TBC1D8: variants seen among roughly 807,000 people sequenced by gnomAD.
The protein encoded by TBC1D8 is BUB2-like protein 1.
TBC1D8 carries 65 observed loss-of-function variants against 118.8 expected under a neutral mutation model. The observed-to-expected ratio is 0.55, with a 90% CI of 0.45 to 0.67. The LOEUF (loss-of-function observed/expected upper bound fraction) is 0.67. Among genes scored for constraint, TBC1D8 ranks in the 30% least tolerant of loss-of-function variants. The pLI, the probability that TBC1D8 is intolerant of heterozygous loss-of-function variation, is 0.00. For synonymous variants in TBC1D8, 566 were observed against 595.8 expected (o/e 0.95, Z 0.73); for missense variants, 1,376 against 1,471.2 (o/e 0.94, Z 1.06).
At chr2:101,133,119 C>T (rs1195067911) in intron 1 of TBC1D8, among the ~76,000 whole-genome samples, 3 of 147,358 alleles carry the variant, frequency 2.0e-5, no homozygotes, top group Non-Finnish European at 4.5e-5. Flanking sequence ...GAGATCGAGC[C>T]ACTGCACTCC....
intron 2 of TBC1D8, among the ~76,000 whole-genome samples, chr2:101,061,127 G>A (rs1220912717): frequency 6.9e-6 from 1 of 144,140 alleles, no homozygotes; most frequent in African/African-American, 2.6e-5. Flanking sequence ...GGCGGAGATT[G>A]CAGTGAGCCG....
At chr2:101,060,926 G>A (rs941475203) in intron 2 of TBC1D8, among the ~76,000 whole-genome samples, 2 of 152,102 alleles carry the variant, frequency 1.3e-5, no homozygotes, top group African/African-American at 2.4e-5. Flanking sequence ...AGTGGCTCAC[G>A]CCTGTAATCC....
In TBC1D8 at chr2:101,101,129, A is replaced by T. The variant is rs184585829; in HGVS notation, c.128-10765T>A. On this transcript the variant is annotated intron_variant, in intron 1 of 19. Coordinates refer to ENST00000409318, the MANE Select transcript of TBC1D8 (RefSeq NM_001330348.2). ...GAGGCAACCTACAGAATGGGAGAAAATTTTTGCAATCTACTCATCTGACAA... is the reference window on the plus strand; with the variant it reads ...GAGGCAACCTACAGAATGGGAGAAATTTTTTGCAATCTACTCATCTGACAA... Among the ~76,000 whole-genome samples, 572 of 152,296 alleles carry T rather than the reference A, an allele frequency of 3.8e-3. 5 individuals are homozygous for T. The highest frequency in any genetic ancestry group is 0.012 in the African/African-American group (514 of 41,556).
chr2:101,013,302 T>C (rs1395060523), intron 17 of TBC1D8, among the ~76,000 whole-genome samples: 1 of 152,234 alleles, frequency 6.6e-6, no homozygotes, highest in Admixed American at 6.5e-5. Context: ...TAGGATATTA[T>C]GCATTATGGG....
Position 101,050,497 on chromosome 2 carries a change from A to C in TBC1D8, c.776T>G (p.Met259Arg), listed in dbSNP as rs1473712537. The change falls in exon 5 of 20, where the codon ATG (methionine) becomes AGG (arginine). Residue 259 changes from methionine (M) to arginine (R), a missense_variant. Met to Arg is a moderately conservative substitution (Grantham distance 91). Coordinates refer to ENST00000409318, the MANE Select transcript of TBC1D8 (RefSeq NM_001330348.2). ...CAGCGTCACGTCGGCCAGCTGCTCC[A>C]TGACCTTAAACACCTCATCCAGGTT... ...FLNLDEVFKVMEQLADVTLRR... is the reference protein window; with the variant it reads ...FLNLDEVFKVREQLADVTLRR... 6.2e-7 allele frequency: 1 copy of C among 1,613,972 alleles called. No homozygotes were observed. Among genetic ancestry groups the C allele is most frequent in the East Asian group, 2.2e-5 (1 of 44,874 alleles).
chr2:101,023,634 T>A, intron 15 of TBC1D8: 2 of 437,004 alleles, frequency 4.6e-6, no homozygotes, highest in Admixed American at 2.9e-5. Flanking sequence ...GTTTTTTTTT[T>A]AAGGTGAGTT....
At chr2:101,123,633 A>G (rs1574065644) in intron 1 of TBC1D8, among the ~76,000 whole-genome samples, 1 of 152,330 alleles carries the variant, frequency 6.6e-6, no homozygotes, top group East Asian at 1.9e-4. Flanking sequence ...AAGACAGAAC[A>G]TGCTTCCCAC....
chr2:101,090,305 G>A lies in TBC1D8; in HGVS notation c.187C>T (p.Arg63Ter). ...LDSNARVAPF[R>*]ILLQVPGSQV... is the part of the protein sequence containing the mutation. ...GAGCCGGGAACTTGAAGCAGAATTC[G>A]AAATGGAGCGACCCGTGCATTGGAA... Residue 63 changes from arginine to a stop codon, truncating the protein, a stop_gained, in exon 2 of 20, where the codon CGA becomes TGA. Transcript: ENST00000409318. LOFTEE classifies it high-confidence loss of function. 1.2e-6 allele frequency: 2 copies of A among 1,613,982 alleles called. No individual in the cohort carries two copies. Among genetic ancestry groups the A allele is most frequent in the Admixed American group, 1.7e-5 (1 of 60,014 alleles).
chr2:101,119,819 T>C (rs896839160), intron 1 of TBC1D8, among the ~76,000 whole-genome samples: 4 of 152,234 alleles, frequency 2.6e-5, no homozygotes, highest in Non-Finnish European at 5.9e-5. Context: ...CCCTTTCTTC[T>C]TTATCCATTG....
At chr2:101,059,623 G>C (rs1682645525) in intron 2 of TBC1D8, 84 bp from the exon 3 acceptor site, 1 of 1,187,056 alleles carries the variant, frequency 8.4e-7, no homozygotes, top group South Asian at 1.3e-5. Context: ...TCCAAATATT[G>C]TGTATCCCCA....
chr2:101,101,134 T>C (rs1676799383), intron 1 of TBC1D8, among the ~76,000 whole-genome samples: 1 of 152,192 alleles, frequency 6.6e-6, no homozygotes, highest in Non-Finnish European at 1.5e-5. Context: ...AGAAAATTTT[T>C]GCAATCTACT....
chr2:101,030,320 A>G (rs138601618), intron 11 of TBC1D8, among the ~76,000 whole-genome samples: 94 of 152,318 alleles, frequency 6.2e-4, no homozygotes, highest in African/African-American at 2.1e-3. Context: ...AACTCTTGCA[A>G]CTTAGTAAGA....
In TBC1D8 at chr2:101,029,499, G is replaced by T. The variant is rs755697015; in HGVS notation, c.2214C>A (p.Ile738=). The T allele has an allele frequency of 6.2e-7, 1 of 1,611,750 alleles. No homozygotes were observed. The highest frequency in any genetic ancestry group is 1.7e-5 in the Admixed American group (1 of 59,976). The part of the protein sequence containing the change: ...SSKDDGQALM[I]LSRFLDHIKN... ...GGTGCAGCGGGGCCCACCTGCTGAG[G>T]ATCATCAAGGCCTGGCCATCATCCT... is the stretch of plus-strand genomic sequence containing the variant. The change falls in exon 12 of 20, where the codon ATC becomes ATA. Residue 738 remains isoleucine, a synonymous_variant. Coordinates refer to ENST00000409318, the MANE Select transcript of TBC1D8 (RefSeq NM_001330348.2).
intron 1 of TBC1D8, among the ~76,000 whole-genome samples, chr2:101,114,645 ACT>A (rs1242540042): frequency 8.5e-5 from 13 of 152,218 alleles, no homozygotes; most frequent in Non-Finnish European, 1.5e-4. Flanking sequence ...GGCAGAAGAC[ACT>A]GTGTCAGTAA....
rs575590492 is a variant in TBC1D8 at position 101,024,596 on chromosome 2, G to A, written c.2521-2075C>T. 1.5e-4 allele frequency among the ~76,000 whole-genome samples: 23 copies of A among 151,968 alleles called. No individual in the cohort carries two copies. The East Asian group carries it at 2.1e-3, about 14-fold the overall frequency. The stretch of plus-strand genomic sequence containing the variant: ...TAATTTTTGTATTTTTAGTAGAGAC[G>A]GGATTTCACCATGTTGGTCAGGCTG... On this transcript the variant is annotated intron_variant, in intron 15 of 19. Coordinates refer to ENST00000409318, the MANE Select transcript of TBC1D8 (RefSeq NM_001330348.2).
chr2:101,102,040 G>A (rs1235835939), intron 1 of TBC1D8, among the ~76,000 whole-genome samples: 1 of 149,946 alleles, frequency 6.7e-6, no homozygotes. Flanking sequence ...AGAAAGAGGA[G>A]GGGAGTGGAG....
At chr2:101,144,240 C>T (rs1353761021) in intron 1 of TBC1D8, among the ~76,000 whole-genome samples, 1 of 152,220 alleles carries the variant, frequency 6.6e-6, no homozygotes. Context: ...TGACCTCCCT[C>T]CTGGAGCTCA....
chr2:101,118,508 AACACG>A (rs1553423012), intron 1 of TBC1D8, among the ~76,000 whole-genome samples: 3 of 150,428 alleles, frequency 2.0e-5, no homozygotes, highest in Non-Finnish European at 4.4e-5. Context: ...CATCCTGGCT[AACACG>A]GTGAAACCCT....
intron 1 of TBC1D8, among the ~76,000 whole-genome samples, chr2:101,118,643 G>A (rs959659510): frequency 1.3e-5 from 2 of 148,250 alleles, no homozygotes; most frequent in Non-Finnish European, 3.0e-5. Context: ...CTTGCAGTGA[G>A]CCGAGATGGC....
Sources: allele counts gnomAD v4.1 joint callset (sites outside exome capture counted in the v4.1 genomes callset), GRCh38; gene constraint gnomAD v4.1.1; transcripts MANE v1.5; gene names NCBI Gene and HGNC (gene_info 2026-07-23, HGNC 2026-07-21).